Variants in GPR141 observed in about 807,000 individuals in gnomAD.
GPR141 encodes probable G protein-coupled receptor 141.
In GPR141, 6 loss-of-function variants were observed where a neutral mutation model predicts 6.8. That is an observed-to-expected ratio of 0.88 (90% CI 0.48 to 1.74). The LOEUF (loss-of-function observed/expected upper bound fraction) is 1.74, where lower values mean the gene tolerates loss of function less well. Among genes scored for constraint, GPR141 ranks in the 40% most tolerant of loss-of-function variants. The pLI, the probability that GPR141 is intolerant of heterozygous loss-of-function variation, is 0.01. For synonymous variants in GPR141, 140 were observed against 142.3 expected (o/e 0.98, Z 0.11); for missense variants, 372 against 372.9 (o/e 1.00, Z 0.02).
chr7:37,722,983 T>TTCCTTCCTTCC (rs1811423022), intron 2 of GPR141, among the ~76,000 whole-genome samples: 1 of 104,916 alleles, frequency 9.5e-6, no homozygotes, highest in Non-Finnish European at 2.0e-5. Flanking sequence ...TCCTTCCTTC[T>TTCCTTCCTTCC]TTCTTTCTTT....
At chr7:37,731,894 T>C (rs565316617) in intron 2 of GPR141, among the ~76,000 whole-genome samples, 7 of 152,224 alleles carry the variant, frequency 4.6e-5, no homozygotes, top group African/African-American at 1.7e-4. Context: ...TGCTTTGCTT[T>C]TAGATGCTGG....
intron 2 of GPR141, among the ~76,000 whole-genome samples, chr7:37,711,952 A>T (rs1810818059): frequency 6.6e-6 from 1 of 152,252 alleles, no homozygotes; most frequent in South Asian, 2.1e-4. Context: ...TGGTAAAAAT[A>T]GATGACAGAT....
At chr7:37,694,210 G>A (rs939856068) in intron 2 of GPR141, among the ~76,000 whole-genome samples, 18 of 152,240 alleles carry the variant, frequency 1.2e-4, no homozygotes, top group African/African-American at 4.3e-4. Flanking sequence ...TGGAAGGGAT[G>A]AGAAGCAGTG....
intron 2 of GPR141, among the ~76,000 whole-genome samples, chr7:37,731,732 G>A (rs563685150): frequency 2.0e-5 from 3 of 152,358 alleles, no homozygotes; most frequent in East Asian, 3.9e-4. Flanking sequence ...GATTACAGGC[G>A]CAAAGGAATA....
At chr7:37,739,763 C>T (rs1235351566) in intron 2 of GPR141, among the ~76,000 whole-genome samples, 1 of 151,866 alleles carries the variant, frequency 6.6e-6, no homozygotes, top group Non-Finnish European at 1.5e-5. Flanking sequence ...TCAGTGGGGC[C>T]CATGGGAAGG....
intron 2 of GPR141, among the ~76,000 whole-genome samples, chr7:37,699,797 G>A (rs1810198020): frequency 1.3e-5 from 2 of 152,198 alleles, no homozygotes; most frequent in African/African-American, 4.8e-5. Flanking sequence ...TATAAATGTT[G>A]TGAGGTTTTG....
chr7:37,717,584 C>A (rs912541031), intron 2 of GPR141, among the ~76,000 whole-genome samples: 1 of 152,188 alleles, frequency 6.6e-6, no homozygotes, highest in Non-Finnish European at 1.5e-5. Context: ...CTCTCACCCC[C>A]CTTGTTGTGT....
chr7:37,715,538 G>A (rs1204505864), intron 2 of GPR141, among the ~76,000 whole-genome samples: 3 of 152,120 alleles, frequency 2.0e-5, no homozygotes, highest in East Asian at 1.9e-4. Context: ...CCAGTCTTAC[G>A]CTGGGTGCTT....
chr7:37,737,991 C>T (rs937985393), intron 2 of GPR141, among the ~76,000 whole-genome samples: 2 of 152,160 alleles, frequency 1.3e-5, no homozygotes, highest in African/African-American at 2.4e-5. Context: ...TCTTCATGGC[C>T]TCCTTTCCTT....
Position 37,742,825 on chromosome 7 carries a change from C to A in GPR141, c.*1514C>A, listed in dbSNP as rs148178444. ...ACACATGTTTACCTATGTAACAAAC[C>A]TGCACATGTACCCCTGAACTTAAAA... is the stretch of plus-strand genomic sequence containing the variant. On this transcript the variant is annotated 3_prime_UTR_variant, in exon 3 of 3. Coordinates refer to ENST00000334425, the MANE Select transcript of GPR141 (RefSeq NM_001381946.1). 6.2e-3 allele frequency among the ~76,000 whole-genome samples: 939 copies of A among 152,178 alleles called. 13 individuals carry two copies. Among genetic ancestry groups the A allele is most frequent in the African/African-American group, 0.02 (836 of 41,528 alleles).
intron 2 of GPR141, among the ~76,000 whole-genome samples, chr7:37,721,167 C>T (rs1811307124): frequency 6.6e-6 from 1 of 152,158 alleles, no homozygotes; most frequent in Admixed American, 6.5e-5. Flanking sequence ...GTCAAACAGC[C>T]TGGGTCTCCA....
At chr7:37,729,877 C>T (rs1583570196) in intron 2 of GPR141, 2 of 152,140 alleles carry the variant, frequency 1.3e-5, no homozygotes, top group Admixed American at 6.5e-5. Context: ...GGATTGTCTC[C>T]GTGGAAGCAG....
chr7:37,731,792 C>T (rs1247272827), intron 2 of GPR141, among the ~76,000 whole-genome samples: 1 of 152,094 alleles, frequency 6.6e-6, no homozygotes, highest in Non-Finnish European at 1.5e-5. Flanking sequence ...AAAAATTGTG[C>T]CCCAATCGCT....
intron 2 of GPR141, among the ~76,000 whole-genome samples, chr7:37,690,215 T>G (rs1262056777): frequency 6.6e-6 from 1 of 152,184 alleles, no homozygotes; most frequent in Non-Finnish European, 1.5e-5. Flanking sequence ...TTTCCATGCA[T>G]TTTTACGGTT....
chr7:37,705,065 G>T (rs1212802458), intron 2 of GPR141, among the ~76,000 whole-genome samples: 1 of 152,096 alleles, frequency 6.6e-6, no homozygotes, highest in East Asian at 1.9e-4. Flanking sequence ...ATAAATATAT[G>T]TATAGTTGAA....
At chr7:37,709,107 G>A (rs1307746981) in intron 2 of GPR141, among the ~76,000 whole-genome samples, 1 of 152,058 alleles carries the variant, frequency 6.6e-6, no homozygotes, top group African/African-American at 2.4e-5. Context: ...GCATGGTGAA[G>A]GTATATTAGA....
chr7:37,733,443 G>A (rs182459930), intron 2 of GPR141, among the ~76,000 whole-genome samples: 395 of 152,084 alleles, frequency 2.6e-3, no homozygotes, highest in African/African-American at 8.7e-3. Context: ...AGGCTGAGGC[G>A]GGTGGATCAC....
At chr7:37,730,585 G>A (rs954403579) in intron 2 of GPR141, among the ~76,000 whole-genome samples, 2 of 152,198 alleles carry the variant, frequency 1.3e-5, no homozygotes, top group African/African-American at 2.4e-5. Context: ...TATAACACGC[G>A]TCAAAGCCAT....
In GPR141 at chr7:37,728,428, G is replaced by C. The variant is rs566822378; in HGVS notation, c.-14-11952G>C. On this transcript the variant is annotated intron_variant, in intron 2 of 2. Transcript: ENST00000334425. ...TCTGTTTTAAAATGGTGCAGGGAGG[G>C]GTTCTGGTGACTAAGGTCTACACGC... Among the ~76,000 whole-genome samples, 5 of 152,032 alleles carry C rather than the reference G, an allele frequency of 3.3e-5. No homozygotes were observed. The South Asian group carries it at 1.0e-3, about 32-fold the overall frequency.
Sources: gnomAD v4.1 joint callset for allele counts (sites outside exome capture counted in the v4.1 genomes callset) on GRCh38, gnomAD v4.1.1 for gene constraint, MANE v1.5 for transcripts, NCBI Gene and HGNC (gene_info 2026-07-23, HGNC 2026-07-21) for gene names.